The following ADGRA3 variants were observed in gnomAD, a reference collection of about 807,000 sequenced individuals.
ADGRA3 encodes the protein G-protein coupled receptor 125.
A neutral mutation model predicts 119.8 loss-of-function variants in ADGRA3; 56 were observed. The ratio of observed to expected loss-of-function variants is 0.47; its 90% CI spans 0.38 to 0.58. The LOEUF (loss-of-function observed/expected upper bound fraction) is 0.58. ADGRA3 is among the 20% of genes least tolerant of loss of function. The pLI, the probability that ADGRA3 is intolerant of heterozygous loss-of-function variation, is 0.00. For synonymous variants in ADGRA3, 607 were observed against 623.8 expected, an observed-to-expected ratio of 0.97 and a Z score of 0.40; for missense variants, 1,516 against 1,649.0, an observed-to-expected ratio of 0.92 and a Z score of 1.40.
chr4:22,458,801 T>C (rs2090008679), intron 3 of ADGRA3, among the ~76,000 whole-genome samples: 1 of 152,130 alleles, frequency 6.6e-6, no homozygotes, highest in South Asian at 2.1e-4. Flanking sequence ...CTTTTCTAAC[T>C]TGTTCCATTA....
intron 2 of ADGRA3, 152 bp from the exon 3 acceptor site, chr4:22,461,960 G>A: frequency 4.4e-6 from 2 of 454,448 alleles, no homozygotes; most frequent in Non-Finnish European, 7.9e-6. Flanking sequence ...CAACCCAGTA[G>A]TAAAAGGGAG....
chr4:22,476,118 T>A (rs1718034038), intron 1 of ADGRA3, among the ~76,000 whole-genome samples: 1 of 152,004 alleles, frequency 6.6e-6, no homozygotes, highest in Non-Finnish European at 1.5e-5. Context: ...AAAATACAAT[T>A]TCCTCTCATC....
chr4:22,447,773 A>C (rs1441396337), intron 4 of ADGRA3, among the ~76,000 whole-genome samples: 1 of 152,208 alleles, frequency 6.6e-6, no homozygotes, highest in Non-Finnish European at 1.5e-5. Context: ...GTCAAATATC[A>C]GGTGAACCTA....
intron 1 of ADGRA3, among the ~76,000 whole-genome samples, chr4:22,480,673 A>G (rs905238715): frequency 3.9e-5 from 6 of 152,202 alleles, no homozygotes; most frequent in Non-Finnish European, 8.8e-5. Context: ...TTATATAATT[A>G]TATACTTATA....
intron 1 of ADGRA3, among the ~76,000 whole-genome samples, chr4:22,513,181 T>TA (rs529580812): frequency 2.9e-3 from 432 of 151,326 alleles, no homozygotes; most frequent in African/African-American, 9.7e-3. Flanking sequence ...GTTTCATTCT[T>TA]GTTACCCAGG....
At chr4:22,479,450 G>A (rs939891494) in intron 1 of ADGRA3, among the ~76,000 whole-genome samples, 6 of 148,896 alleles carry the variant, frequency 4.0e-5, no homozygotes, top group Admixed American at 2.0e-4. Context: ...GCGACAGAGC[G>A]AGACTCTGTC....
chr4:22,414,170 AATATG>A (rs1374011631), intron 12 of ADGRA3: 1 of 209,758 alleles, frequency 4.8e-6, no homozygotes, highest in African/African-American at 2.3e-5. Context: ...ACAATGATAA[AATATG>A]ATAAAGAAGC....
intron 10 of ADGRA3, among the ~76,000 whole-genome samples, 178 bp downstream of exon 10, chr4:22,435,133 C>A (rs750442094): frequency 1.8e-4 from 28 of 152,148 alleles, no homozygotes; most frequent in Admixed American, 3.9e-4. Context: ...CCGGTCCCAG[C>A]AGCAAACAGG....
intron 3 of ADGRA3, among the ~76,000 whole-genome samples, chr4:22,461,311 T>C (rs1468709457): frequency 2.0e-5 from 3 of 152,234 alleles, no homozygotes; most frequent in Non-Finnish European, 2.9e-5. Context: ...CTCTTTGTTT[T>C]TCTTTCTTTT....
Position 22,398,088 on chromosome 4 carries a change from C to A in ADGRA3, c.2481+3343G>T, listed in dbSNP as rs150348077. The A allele has an allele frequency of 2.8e-4, 278 of 985,184 alleles. No individual in the cohort carries two copies. In the African/African-American group the frequency reaches 4.5e-3, roughly 16 times the overall value. The allele number at this position is 985,184 out of a possible 1,614,324, so 61.0% of individuals were successfully genotyped here. ...CACATGGATGTAGTTGATCTGAGAC[C>A]CATCATCTGACTTCTTGTAGGCAGT... On this transcript the variant is annotated intron_variant, in intron 16 of 18. Transcript: ENST00000334304.
chr4:22,514,119 C>G (rs1262520956), intron 1 of ADGRA3, among the ~76,000 whole-genome samples: 2 of 152,084 alleles, frequency 1.3e-5, no homozygotes, highest in Non-Finnish European at 2.9e-5. Context: ...TGACCCAAAA[C>G]CTAAATGTTT....
intron 1 of ADGRA3, among the ~76,000 whole-genome samples, chr4:22,503,192 C>A (rs1307640107): frequency 6.6e-6 from 1 of 152,160 alleles, no homozygotes; most frequent in Non-Finnish European, 1.5e-5. Flanking sequence ...CTAACTGCAT[C>A]TTAGGCACAA....
intron 14 of ADGRA3, 107 bp downstream of exon 14, chr4:22,413,075 T>TAAAAAA (rs74406494): frequency 2.2e-4 from 159 of 727,774 alleles, no homozygotes; most frequent in African/African-American, 5.1e-4. Flanking sequence ...ATGTTAAAAG[T>TAAAAAA]AAAAAAAAAA....
intron 6 of ADGRA3, among the ~76,000 whole-genome samples, chr4:22,444,153 C>G (rs140499889): frequency 9.9e-4 from 151 of 152,218 alleles, no homozygotes; most frequent in Middle Eastern, 6.8e-3. Flanking sequence ...GGATATGTCA[C>G]AAGTAATTAA....
chr4:22,449,509 A>G (rs143475251), intron 4 of ADGRA3, among the ~76,000 whole-genome samples: 1 of 152,158 alleles, frequency 6.6e-6, no homozygotes, highest in South Asian at 2.1e-4. Flanking sequence ...GCAAGATTCC[A>G]TAACAGTAAG....
At chr4:22,419,754 G>GT (rs1015829948) in intron 12 of ADGRA3, among the ~76,000 whole-genome samples, 3 of 151,282 alleles carry the variant, frequency 2.0e-5, no homozygotes, top group African/African-American at 4.8e-5. Context: ...TATGTTTGTG[G>GT]TTTTTTTGTT....
chr4:22,390,432 T>TTA (rs371516836), intron 17 of ADGRA3, among the ~76,000 whole-genome samples: 1 of 17,566 alleles, frequency 5.7e-5, no homozygotes, highest in African/African-American at 3.3e-4. Flanking sequence ...ATAATACGTA[T>TTA]TATATATATA....
chr4:22,430,555 C>CA (rs1330383743), intron 10 of ADGRA3, among the ~76,000 whole-genome samples: 1 of 151,936 alleles, frequency 6.6e-6, no homozygotes, highest in Non-Finnish European at 1.5e-5. Context: ...TTCTAAGCAG[C>CA]AAAGCATTCA....
intron 14 of ADGRA3, among the ~76,000 whole-genome samples, chr4:22,403,917 G>A (rs1005173768): frequency 1.3e-5 from 2 of 152,124 alleles, no homozygotes; most frequent in Non-Finnish European, 1.5e-5. Flanking sequence ...AGAAAATTAT[G>A]TGCCTTAAGG....
Sources: gnomAD v4.1 joint callset for allele counts (sites outside exome capture counted in the v4.1 genomes callset) on GRCh38, gnomAD v4.1.1 for gene constraint, MANE v1.5 for transcripts, NCBI Gene and HGNC (gene_info 2026-07-23, HGNC 2026-07-21) for gene names.